MRPS31: variants seen among roughly 807,000 people sequenced by gnomAD.
MRPS31 encodes the protein mitochondrial ribosomal protein S31.
A neutral mutation model predicts 43.1 loss-of-function variants in MRPS31; 32 were observed. The observed-to-expected ratio is 0.74, with a 90% CI of 0.56 to 1.00. MRPS31 has a LOEUF of 1.00. Among genes scored for constraint, MRPS31 ranks in the 50% least tolerant of loss-of-function variants. MRPS31 has a pLI of 0.00. For synonymous variants in MRPS31, 165 were observed against 161.6 expected, an observed-to-expected ratio of 1.02 and a Z score of -0.16; for missense variants, 437 against 466.7, an observed-to-expected ratio of 0.94 and a Z score of 0.59.
chr13:40,736,187 G>A (rs1382801168), intron 6 of MRPS31, among the ~76,000 whole-genome samples: 1 of 152,024 alleles, frequency 6.6e-6, no homozygotes, highest in Admixed American at 6.6e-5. Context: ...ATCAGCAATG[G>A]AAGATGAAAT....
chr13:40,760,498 A>G (rs1880665313), intron 2 of MRPS31, among the ~76,000 whole-genome samples: 1 of 152,200 alleles, frequency 6.6e-6, no homozygotes, highest in South Asian at 2.1e-4. Flanking sequence ...AAGGCGTTAT[A>G]CCATTTTGTG....
At chr13:40,741,296 C>G (rs1880082391) in intron 6 of MRPS31, among the ~76,000 whole-genome samples, 1 of 151,870 alleles carries the variant, frequency 6.6e-6, no homozygotes, top group Non-Finnish European at 1.5e-5. Flanking sequence ...TTTTTAAAGT[C>G]AAATTATTTT....
At chr13:40,770,510 T>C (rs1296618197) in intron 1 of MRPS31, among the ~76,000 whole-genome samples, 1 of 152,230 alleles carries the variant, frequency 6.6e-6, no homozygotes, top group Admixed American at 6.5e-5. Context: ...GGCTGAATAG[T>C]GTACTCTGTT....
At chr13:40,751,439 G>C (rs1292401791) in intron 5 of MRPS31, among the ~76,000 whole-genome samples, 1 of 152,184 alleles carries the variant, frequency 6.6e-6, no homozygotes, top group African/African-American at 2.4e-5. Flanking sequence ...GTGGGGAAAA[G>C]TTAGTGTGGC....
Position 40,729,289 on chromosome 13 carries a change from T to G in MRPS31, c.*83A>C. ...GCCAAATCAAATGTAATAATCAACA[T>G]AACATATACAAACTCTAGTAAAATT... On this transcript the variant is annotated 3_prime_UTR_variant, in exon 7 of 7. Coordinates refer to ENST00000323563, the MANE Select transcript of MRPS31 (RefSeq NM_005830.4). 1.4e-6 allele frequency: 1 copy of G among 717,692 alleles called. No homozygotes were observed. Among genetic ancestry groups the G allele is most frequent in the East Asian group, 2.7e-5 (1 of 36,444 alleles). 44.5% of individuals were successfully genotyped at this position (717,692 alleles called of 1,614,324 possible).
In MRPS31 at chr13:40,741,888, TACACACACACACAC is replaced by T. The variant is rs61011673; in HGVS notation, c.958+7236_958+7249del. ...CAAGATATATTGCTAAGTAACAAAATACACACACACACACACACACACACACACACACACACACA... is the reference window on the plus strand; with the variant it reads ...CAAGATATATTGCTAAGTAACAAAATACACACACACACACACACACACACA... On this transcript the variant is annotated intron_variant, in intron 6 of 6. Transcript: ENST00000323563. Among the ~76,000 whole-genome samples, 624 of 140,820 alleles carry T rather than the reference TACACACACACACAC, an allele frequency of 4.4e-3. 4 individuals carry two copies. The highest frequency in any genetic ancestry group is 0.011 in the African/African-American group (416 of 36,664). The allele number at this position is 140,820 out of a possible 152,430, so 92.4% of individuals were successfully genotyped here. A position where few individuals can be genotyped will look rare whatever the true frequency, so the allele number is the denominator to read the frequency against.
At chr13:40,757,440 C>CT (rs11291870) in intron 3 of MRPS31, among the ~76,000 whole-genome samples, 8,590 of 96,962 alleles carry the variant, frequency 0.089, 558 homozygotes, top group Middle Eastern at 0.15. Flanking sequence ...CTATGTCTTC[C>CT]TTTTTTTTTT....
intron 6 of MRPS31, among the ~76,000 whole-genome samples, chr13:40,731,497 G>A (rs1232904586): frequency 3.3e-5 from 5 of 151,278 alleles, no homozygotes; most frequent in Non-Finnish European, 5.9e-5. Context: ...CAGGAGAACT[G>A]CTTGAACCTG....
chr13:40,748,922 T>C (rs950201537), intron 6 of MRPS31, among the ~76,000 whole-genome samples: 10 of 152,230 alleles, frequency 6.6e-5, no homozygotes, highest in African/African-American at 2.2e-4. Flanking sequence ...TTTTGCCATA[T>C]AGTTTTACTT....
Position 40,767,010 on chromosome 13 carries a change from T to A in MRPS31, c.176A>T (p.Tyr59Phe). 1 of 1,607,522 alleles carries A rather than the reference T, an allele frequency of 6.2e-7. No individual in the cohort carries two copies. The change falls in exon 2 of 7, where the codon TAT (tyrosine) becomes TTT (phenylalanine). Residue 59 changes from tyrosine to phenylalanine, a missense_variant. Tyr to Phe is a conservative substitution (Grantham distance 22, BLOSUM62 3). Coordinates refer to ENST00000323563, the MANE Select transcript of MRPS31 (RefSeq NM_005830.4). ...ACAGATCACACTGTTAGTGCCAAAATATCTTTGGATGTTATTTTTTGTCCT... is the reference window on the plus strand; with the variant it reads ...ACAGATCACACTGTTAGTGCCAAAAAATCTTTGGATGTTATTTTTTGTCCT... The part of the protein sequence containing the change: ...LARTKNNIQR[Y>F]FGTNSVICSK...
At chr13:40,739,660 A>G (rs968438064) in intron 6 of MRPS31, among the ~76,000 whole-genome samples, 4 of 152,098 alleles carry the variant, frequency 2.6e-5, no homozygotes, top group Non-Finnish European at 4.4e-5. Context: ...CTGATCTTTG[A>G]CAAACCTGAG....
intron 1 of MRPS31, among the ~76,000 whole-genome samples, chr13:40,770,561 T>C (rs901268808): frequency 2.6e-5 from 4 of 152,222 alleles, no homozygotes; most frequent in South Asian, 4.1e-4. Flanking sequence ...ACATAGCACT[T>C]GAATTGTCTA....
rs1220999645 is a variant in MRPS31, at chr13:40,741,930, C to T, written c.958+7208G>A. On this transcript the variant is annotated intron_variant, in intron 6 of 6. Coordinates refer to ENST00000323563, the MANE Select transcript of MRPS31 (RefSeq NM_005830.4). Reference sequence around the variant, plus strand: ...ACACACACACACACACACACACACACACACTGCAGGACAATATATGTATGG... The same window carrying T: ...ACACACACACACACACACACACACATACACTGCAGGACAATATATGTATGG... 1.5e-4 allele frequency among the ~76,000 whole-genome samples: 21 copies of T among 138,538 alleles called. No individual in the cohort carries two copies. In the Admixed American group the frequency reaches 1.6e-3, roughly 10 times the overall value. 90.9% of individuals were successfully genotyped at this position (138,538 alleles called of 152,430 possible). A position where few individuals can be genotyped will look rare whatever the true frequency, so the allele number is the denominator to read the frequency against.
intron 4 of MRPS31, among the ~76,000 whole-genome samples, 155 bp from the exon 5 acceptor site, chr13:40,754,247 G>A (rs1490649524): frequency 6.6e-6 from 1 of 152,044 alleles, no homozygotes; most frequent in Non-Finnish European, 1.5e-5. Context: ...ACATTTTTAG[G>A]ACTGATAAAC....
chr13:40,737,972 C>G (rs1879970529), intron 6 of MRPS31, among the ~76,000 whole-genome samples: 2 of 151,874 alleles, frequency 1.3e-5, no homozygotes, highest in Non-Finnish European at 2.9e-5. Context: ...ACACAAAAAA[C>G]CCTTCAAAAA....
At chr13:40,758,913 T>C (rs1880613471) in intron 3 of MRPS31, 35 bp downstream of exon 3, 7 of 1,492,890 alleles carry the variant, frequency 4.7e-6, no homozygotes, top group Non-Finnish European at 6.2e-6. Context: ...TTTTGAGATA[T>C]AAACATTACT....
At chr13:40,757,440 CTTTTTTTTTTTTTT>C (rs11291870) in intron 3 of MRPS31, among the ~76,000 whole-genome samples, 1 of 96,932 alleles carries the variant, frequency 1.0e-5, no homozygotes, top group Non-Finnish European at 1.9e-5. Context: ...CTATGTCTTC[CTTTTTTTTTTTTTT>C]TTTTTTTTGA....
intron 6 of MRPS31, among the ~76,000 whole-genome samples, chr13:40,744,030 T>C (rs1372174745): frequency 6.6e-6 from 1 of 152,160 alleles, no homozygotes; most frequent in Admixed American, 6.6e-5. Context: ...ATAAAAATCA[T>C]GAGGTCATGG....
Position 40,766,733 on chromosome 13 carries a change from C to T in MRPS31, c.440+13G>A. On this transcript the variant is annotated intron_variant, in intron 2 of 6. Transcript: ENST00000323563. ...GGAGTTTCAAACAACATCTGAATTA[C>T]AATTAAATTTACCTCTTCTTTGGAG... 6.4e-7 allele frequency: 1 copy of T among 1,566,034 alleles called. No homozygotes were observed. The highest frequency in any genetic ancestry group is 8.6e-7 in the Non-Finnish European group (1 of 1,159,320).
Sources: allele counts gnomAD v4.1 joint callset (sites outside exome capture counted in the v4.1 genomes callset), GRCh38; gene constraint gnomAD v4.1.1; transcripts MANE v1.5; gene names NCBI Gene and HGNC (gene_info 2026-07-23, HGNC 2026-07-21).